TBC1D1: variants seen among roughly 807,000 people sequenced by gnomAD.
The protein encoded by TBC1D1 is TBC1 domain family member 1, also known as TBC1 (tre-2/USP6, BUB2, cdc16) domain family, member 1.
In TBC1D1, 89 loss-of-function variants were observed where a neutral mutation model predicts 125.6. The observed-to-expected ratio is 0.71, with a 90% CI of 0.60 to 0.85. The LOEUF (loss-of-function observed/expected upper bound fraction) is 0.85, where lower values mean the gene tolerates loss of function less well. Among genes scored for constraint, TBC1D1 ranks in the 40% least tolerant of loss-of-function variants. The pLI is 0.00. For synonymous variants in TBC1D1, 565 were observed against 564.1 expected (o/e 1.00, Z -0.02); for missense variants, 1,377 against 1,469.2 (o/e 0.94, Z 1.03).
In TBC1D1 at chr4:38,014,761, A is replaced by G. The variant is rs1742307872; in HGVS notation, c.670A>G (p.Ser224Gly). 3 of 1,344,934 alleles carry G rather than the reference A, an allele frequency of 2.2e-6. No homozygotes were observed. The highest frequency in any genetic ancestry group is 2.3e-5 in the South Asian group (2 of 86,584). The allele number at this position is 1,344,934 out of a possible 1,614,324, so 83.3% of individuals were successfully genotyped here. A position where few individuals can be genotyped will look rare whatever the true frequency, so the allele number is the denominator to read the frequency against. ...CCCGCCCCATGCCGCGCCCACAGGG[A>G]GCCAGGAGCCTGTGCGCAGGCCCAT... Residue 224 changes from serine to glycine, a missense_variant, in exon 3 of 20, where the codon AGC (serine) becomes GGC (glycine). This residue lies in a region of TBC1D1 where 822 missense variants were observed against 824.6 expected (regional missense o/e 1.00). Coordinates refer to ENST00000261439, the MANE Select transcript of TBC1D1 (RefSeq NM_015173.4). The surrounding 1 kb of genome is among the most constrained non-coding windows in gnomAD (Gnocchi z 5.1).
chr4:37,980,007 G>A (rs974804843), intron 2 of TBC1D1, among the ~76,000 whole-genome samples: 1 of 152,156 alleles, frequency 6.6e-6, no homozygotes, highest in Non-Finnish European at 1.5e-5. Flanking sequence ...TTGAAGTCCC[G>A]ACCTCAGGTG....
chr4:37,992,745 G>A (rs1443756888), intron 2 of TBC1D1, among the ~76,000 whole-genome samples: 5 of 150,948 alleles, frequency 3.3e-5, no homozygotes, highest in African/African-American at 7.3e-5. Context: ...TGCCCGCCTC[G>A]GCCTCCCAAA....
intron 2 of TBC1D1, among the ~76,000 whole-genome samples, chr4:37,959,127 C>A (rs886419044): frequency 6.6e-6 from 1 of 152,114 alleles, no homozygotes; most frequent in Non-Finnish European, 1.5e-5. Context: ...TGGCCTTATG[C>A]AAATAAACAG....
At chr4:38,011,551 C>T (rs1741508057) in intron 2 of TBC1D1, among the ~76,000 whole-genome samples, 1 of 152,086 alleles carries the variant, frequency 6.6e-6, no homozygotes. Context: ...CTATATTTGG[C>T]AATATGCCCT....
rs897314786 is a variant in TBC1D1, at chr4:38,104,438, G to A, written c.2557+1281G>A. 6.6e-5 allele frequency among the ~76,000 whole-genome samples: 10 copies of A among 152,188 alleles called. No individual in the cohort carries two copies. In the East Asian group the frequency reaches 7.7e-4, roughly 12 times the overall value. The stretch of plus-strand genomic sequence containing the variant: ...CAGGGCCAGGTGGCAATGCACTCCC[G>A]TTTGCCTGCCGCCTATCACCCAAGC... On this transcript the variant is annotated intron_variant, in intron 15 of 19. Coordinates refer to ENST00000261439, the MANE Select transcript of TBC1D1 (RefSeq NM_015173.4).
intron 2 of TBC1D1, among the ~76,000 whole-genome samples, chr4:37,935,245 G>A (rs578217794): frequency 6.6e-6 from 1 of 152,132 alleles, no homozygotes; most frequent in Non-Finnish European, 1.5e-5. Context: ...AGTAACTGTC[G>A]CTTTGATCCT....
chr4:38,136,394 C>G (rs1436337046), intron 19 of TBC1D1, among the ~76,000 whole-genome samples: 1 of 152,158 alleles, frequency 6.6e-6, no homozygotes, highest in Non-Finnish European at 1.5e-5. Flanking sequence ...AACCTCTTAG[C>G]AGAACACTTG....
At chr4:37,984,995 C>T (rs62298547) in intron 2 of TBC1D1, among the ~76,000 whole-genome samples, 14,823 of 151,938 alleles carry the variant, frequency 0.098, 836 homozygotes, top group Middle Eastern at 0.2. Flanking sequence ...CTCTGTCACC[C>T]AGGCTGGAGT....
chr4:37,951,584 T>C (rs1323579885), intron 2 of TBC1D1, among the ~76,000 whole-genome samples: 1 of 152,184 alleles, frequency 6.6e-6, no homozygotes, highest in East Asian at 1.9e-4. Context: ...CCCAAGACTC[T>C]CCGCGAGATT....
chr4:38,070,164 A>T (rs1275706791), intron 12 of TBC1D1, among the ~76,000 whole-genome samples: 1 of 152,272 alleles, frequency 6.6e-6, no homozygotes, highest in East Asian at 1.9e-4. Context: ...GTTAGTGGTT[A>T]TCTAAAAGTA....
chr4:37,960,453 G>A (rs750206589), intron 2 of TBC1D1: 15 of 1,613,610 alleles, frequency 9.3e-6, no homozygotes, highest in Middle Eastern at 1.6e-4. Flanking sequence ...TCTGATCTAC[G>A]TTGATAAGGA....
chr4:38,037,180 G>T (rs1436748440), intron 8 of TBC1D1, among the ~76,000 whole-genome samples: 2 of 151,960 alleles, frequency 1.3e-5, no homozygotes, highest in Admixed American at 6.6e-5. Context: ...TATGGTGAAT[G>T]GAAAGTTTTG....
intron 8 of TBC1D1, 141 bp from the exon 9 acceptor site, chr4:38,044,221 A>G (rs1748970545): frequency 4.7e-6 from 4 of 858,182 alleles, no homozygotes; most frequent in East Asian, 5.5e-5. Context: ...CAGCCATGTC[A>G]CTAAGGAGCA....
At chr4:38,075,050 C>T (rs1007010339) in intron 12 of TBC1D1, among the ~76,000 whole-genome samples, 5 of 152,144 alleles carry the variant, frequency 3.3e-5, no homozygotes, top group African/African-American at 7.2e-5. Context: ...TGAGCCACCG[C>T]GCCTGGCCAC....
chr4:37,939,231 G>C (rs1725026698), intron 2 of TBC1D1, among the ~76,000 whole-genome samples: 1 of 152,200 alleles, frequency 6.6e-6, no homozygotes, highest in South Asian at 2.1e-4. Flanking sequence ...ACCAGTGTGA[G>C]ATGATATCTC....
chr4:37,981,027 C>G (rs1216876076), intron 2 of TBC1D1, among the ~76,000 whole-genome samples: 1 of 152,066 alleles, frequency 6.6e-6, no homozygotes. Context: ...ACTGCAACCT[C>G]TGCCTCCTGG....
intron 6 of TBC1D1, among the ~76,000 whole-genome samples, chr4:38,025,724 A>G (rs1220956467): frequency 6.6e-6 from 1 of 152,216 alleles, no homozygotes; most frequent in Admixed American, 6.5e-5. Flanking sequence ...TTTTTAGTGC[A>G]TGATGACTTA....
chr4:38,135,391 C>T (rs1052563371), intron 19 of TBC1D1, among the ~76,000 whole-genome samples: 7 of 152,176 alleles, frequency 4.6e-5, no homozygotes, highest in African/African-American at 9.7e-5. Context: ...TGTCATAATC[C>T]GTACAAGTCA....
chr4:37,925,980 A>G (rs2152280915), intron 2 of TBC1D1, among the ~76,000 whole-genome samples: 1 of 152,342 alleles, frequency 6.6e-6, no homozygotes, highest in East Asian at 1.9e-4. Flanking sequence ...CTGCAGATTT[A>G]TGTCTTTCTG....
Sources: allele counts gnomAD v4.1 joint callset (sites outside exome capture counted in the v4.1 genomes callset), GRCh38; gene constraint gnomAD v4.1.1; regional missense constraint gnomAD v4.1.1; non-coding constraint Gnocchi (gnomAD v3.1); transcripts MANE v1.5; gene names NCBI Gene and HGNC (gene_info 2026-07-23, HGNC 2026-07-21).